PCID2: variants seen among roughly 807,000 people sequenced by gnomAD.
The protein encoded by PCID2 is PCI domain-containing protein 2.
PCID2 carries 41 observed loss-of-function variants against 61.3 expected under a neutral mutation model. That is an observed-to-expected ratio of 0.67 (90% confidence interval 0.52 to 0.87). The LOEUF (loss-of-function observed/expected upper bound fraction) is 0.87. Among genes scored for constraint, PCID2 ranks in the 40% least tolerant of loss-of-function variants. The pLI, the probability that PCID2 is intolerant of heterozygous loss-of-function variation, is 0.00. For missense variants in PCID2, 392 were observed against 493.4 expected (o/e 0.79, Z 1.95); for synonymous variants, 187 against 177.8 (o/e 1.05, Z -0.41).
At position 113,177,677 on chromosome 13, in the gene PCID2, G is replaced by A. The variant is rs2037235994; in HGVS notation, c.*521C>T. On this transcript the variant is annotated 3_prime_UTR_variant, in exon 14 of 14. Transcript: ENST00000337344. ...CATAAATTGAGGAGCATCCATACAGGCAAGCTATAAAATCTGGAAAATTTA... is the reference window on the plus strand; with the variant it reads ...CATAAATTGAGGAGCATCCATACAGACAAGCTATAAAATCTGGAAAATTTA... The A allele has an allele frequency of 6.6e-6, 1 of 152,178 alleles. No homozygotes were observed. The highest frequency in any genetic ancestry group is 2.1e-4 in the South Asian group (1 of 4,828). 9.4% of individuals were successfully genotyped at this position (152,178 alleles called of 1,614,324 possible).
chr13:113,175,983 G>T (rs1332551858), downstream of PCID2, among the ~76,000 whole-genome samples: 1 of 152,220 alleles, frequency 6.6e-6, no homozygotes, highest in African/African-American at 2.4e-5. Context: ...CCTTCAAAGA[G>T]GCCCATTCGG....
chr13:113,184,929 C>A (rs2037971407), intron 8 of PCID2, among the ~76,000 whole-genome samples: 1 of 151,716 alleles, frequency 6.6e-6, no homozygotes, highest in African/African-American at 2.4e-5. Context: ...CTCTGGGAAG[C>A]CGTTCCAGGG....
At chr13:113,185,669 T>C in intron 7 of PCID2, 109 bp from the exon 8 acceptor site, 1 of 672,410 alleles carries the variant, frequency 1.5e-6, no homozygotes, top group Non-Finnish European at 2.6e-6. Flanking sequence ...GTCCCAAAGC[T>C]CAAGTCATAT....
At chr13:113,172,245 C>A in the PCID2 span, 1 of 1,204,496 alleles carries the variant, frequency 8.3e-7, no homozygotes, top group Non-Finnish European at 1.2e-6. Flanking sequence ...GCCCACGCAG[C>A]AGCAGAGCCG....
chr13:113,165,013 G>A, the PCID2 span: 3 of 1,594,820 alleles, frequency 1.9e-6, no homozygotes, highest in South Asian at 3.3e-5. Flanking sequence ...TCGCTGAGAA[G>A]GCGCTGATTT....
chr13:113,200,543 G>A (rs1464093889), intron 1 of PCID2, 27 bp from the exon 2 acceptor site: 2 of 1,448,628 alleles, frequency 1.4e-6, no homozygotes, highest in Non-Finnish European at 1.9e-6. Flanking sequence ...GGAAACCTAA[G>A]TAGAAAATAA....
chr13:113,178,885 A>C lies in PCID2; in HGVS notation c.1110+81T>G, dbSNP rs544902658. ...AGCAGAAGGCCTTTTAACAATTTTA[A>C]CACCACCACACTGAAGCTTCAAATT... On this transcript the variant is annotated intron_variant, in intron 13 of 13. Coordinates refer to ENST00000337344, the MANE Select transcript of PCID2 (RefSeq NM_001127202.4). 1.4e-5 allele frequency: 20 copies of C among 1,421,856 alleles called. No individual in the cohort carries two copies. In the East Asian group the frequency reaches 2.1e-4, roughly 15 times the overall value. 88.1% of individuals were successfully genotyped at this position (1,421,856 alleles called of 1,614,324 possible).
chr13:113,185,763 T>C, intron 7 of PCID2: 1 of 441,526 alleles, frequency 2.3e-6, no homozygotes, highest in Non-Finnish European at 4.0e-6. Context: ...TGGGTAAAAA[T>C]AAAAGAGAAA....
downstream of PCID2, among the ~76,000 whole-genome samples, chr13:113,175,516 A>T (rs2037171348): frequency 6.6e-6 from 1 of 152,222 alleles, no homozygotes; most frequent in Non-Finnish European, 1.5e-5. Flanking sequence ...AGCAGGGAAG[A>T]TCAGATTTCC....
intron 2 of PCID2, among the ~76,000 whole-genome samples, 181 bp downstream of exon 2, chr13:113,200,246 G>A (rs3751411): frequency 0.4 from 61,314 of 152,170 alleles, 13,153 homozygotes; most frequent in Middle Eastern, 0.51. Context: ...ACCACAGTGT[G>A]CGTACATAGT....
chr13:113,199,139 G>C (rs915784898), intron 2 of PCID2, among the ~76,000 whole-genome samples: 5 of 152,188 alleles, frequency 3.3e-5, no homozygotes, highest in African/African-American at 1.2e-4. Context: ...ATTTCTGGGA[G>C]TGTCTGTGAG....
At chr13:113,196,692 C>A (rs1183581300) in intron 4 of PCID2, among the ~76,000 whole-genome samples, 1 of 152,168 alleles carries the variant, frequency 6.6e-6, no homozygotes, top group Non-Finnish European at 1.5e-5. Context: ...GAGATACATA[C>A]AAATCCTTAG....
chr13:113,174,025 G>A (rs373313411), downstream of PCID2, among the ~76,000 whole-genome samples: 24 of 151,340 alleles, frequency 1.6e-4, no homozygotes, highest in African/African-American at 5.6e-4. Flanking sequence ...TCAGGAGTTC[G>A]AGACCAGCCT....
At chr13:113,171,514 G>A in the PCID2 span, 1 of 1,583,708 alleles carries the variant, frequency 6.3e-7, no homozygotes, top group Non-Finnish European at 8.6e-7. This position sits in a 1 kb window ranked among gnomAD's most constrained non-coding sequence, Gnocchi z 5.1. Context: ...TCCTCACGTG[G>A]CTCCCTGAGA....
At chr13:113,183,826 C>T (rs2037860675) in intron 9 of PCID2, 2 of 985,310 alleles carry the variant, frequency 2.0e-6, no homozygotes, top group East Asian at 2.3e-4. Flanking sequence ...GTGGCAGCGA[C>T]ACGCCGTGCG....
At position 113,190,230 on chromosome 13, in the gene PCID2, T is replaced by TTA. The variant is rs1414452932; in HGVS notation, c.467+641_467+642insTA. On this transcript the variant is annotated intron_variant, in intron 7 of 13. Transcript: ENST00000337344. ...CCAATGAACCCTAAACAGAAGAAAT[T>TTA]AAAAAAAAAAAAAAAAACCAACTAT... 6.0e-4 allele frequency among the ~76,000 whole-genome samples: 78 copies of TTA among 129,542 alleles called. 4 individuals are homozygous for TTA. The highest frequency in any genetic ancestry group is 4.4e-3 in the South Asian group (17 of 3,890). 85.0% of individuals were successfully genotyped at this position (129,542 alleles called of 152,430 possible).
At chr13:113,190,672 G>A (rs2038536165) in intron 7 of PCID2, 200 bp downstream of exon 7, 1 of 421,930 alleles carries the variant, frequency 2.4e-6, no homozygotes, top group African/African-American at 2.0e-5. Flanking sequence ...GTGGGCAAAT[G>A]AAGACTCTTT....
chr13:113,189,441 C>T (rs940012660), intron 7 of PCID2, among the ~76,000 whole-genome samples: 18 of 151,886 alleles, frequency 1.2e-4, no homozygotes, highest in Non-Finnish European at 2.2e-4. Context: ...TCCTTTATAG[C>T]AACACAAGAG....
chr13:113,208,057 C>T (rs2139019871), intron 1 of PCID2: 2 of 1,612,848 alleles, frequency 1.2e-6, no homozygotes, highest in East Asian at 4.5e-5. Flanking sequence ...GACGCATGTA[C>T]CGAGCGATAT....
Sources: allele counts gnomAD v4.1 joint callset (sites outside exome capture counted in the v4.1 genomes callset), GRCh38; gene constraint gnomAD v4.1.1; non-coding constraint Gnocchi (gnomAD v3.1); transcripts MANE v1.5; gene names NCBI Gene and HGNC (gene_info 2026-07-23, HGNC 2026-07-21).